MAP3K5: variants seen among roughly 807,000 people sequenced by gnomAD.
The protein encoded by MAP3K5 is mitogen-activated protein kinase kinase kinase 5, also known as ASK-1.
A neutral mutation model predicts 158.7 loss-of-function variants in MAP3K5; 56 were observed. The ratio of observed to expected loss-of-function variants is 0.35; its 90% CI spans 0.28 to 0.44. The LOEUF (loss-of-function observed/expected upper bound fraction) is 0.44. Ranked by LOEUF, MAP3K5 falls within the 20% of genes least tolerant of loss-of-function variation. The pLI, the probability that MAP3K5 is intolerant of heterozygous loss-of-function variation, is 1.00. For synonymous variants in MAP3K5, 579 were observed against 601.7 expected, an observed-to-expected ratio of 0.96 and a Z score of 0.55; for missense variants, 1,294 against 1,674.8, an observed-to-expected ratio of 0.77 and a Z score of 3.97.
chr6:136,602,271 T>A (rs946955852), intron 19 of MAP3K5, among the ~76,000 whole-genome samples: 2 of 152,170 alleles, frequency 1.3e-5, no homozygotes, highest in African/African-American at 4.8e-5. Context: ...ATTGGTACAT[T>A]GGCACACAAA....
intron 1 of MAP3K5, 48 bp from the exon 2 acceptor site, chr6:136,720,637 C>A: frequency 6.9e-7 from 1 of 1,455,212 alleles, no homozygotes; most frequent in Non-Finnish European, 9.4e-7. Flanking sequence ...CCAAATAATG[C>A]CCAATCAGCA....
In MAP3K5 at chr6:136,772,110, G is replaced by T. The variant is rs1460149665; in HGVS notation, c.448+19600C>A. On this transcript the variant is annotated intron_variant, in intron 1 of 29. Transcript: ENST00000359015. ...TTTTTAGTAGAAATGGGGGGGGGGGGTTTACCATGTTGGCCAGGCTGGTCT... is the reference window on the plus strand; with the variant it reads ...TTTTTAGTAGAAATGGGGGGGGGGGTTTTACCATGTTGGCCAGGCTGGTCT... 3.3e-3 allele frequency among the ~76,000 whole-genome samples: 430 copies of T among 131,912 alleles called. 6 individuals carry two copies. Among genetic ancestry groups the T allele is most frequent in the Middle Eastern group, 0.013 (3 of 236 alleles). The allele number at this position is 131,912 out of a possible 152,430, so 86.5% of individuals were successfully genotyped here. A position where few individuals can be genotyped will look rare whatever the true frequency, so the allele number is the denominator to read the frequency against.
Position 136,727,819 on chromosome 6 carries a change from G to A in MAP3K5, c.449-7230C>T, listed in dbSNP as rs556130258. ...ACTAAAAATACAAAAAAAATTAGCCGGGCGTGGTGGCAGGTGCCTGTAGTC... is the reference window on the plus strand; with the variant it reads ...ACTAAAAATACAAAAAAAATTAGCCAGGCGTGGTGGCAGGTGCCTGTAGTC... On this transcript the variant is annotated intron_variant, in intron 1 of 29. Coordinates refer to ENST00000359015, the MANE Select transcript of MAP3K5 (RefSeq NM_005923.4). 3.1e-4 allele frequency among the ~76,000 whole-genome samples: 47 copies of A among 151,924 alleles called. No individual in the cohort carries two copies. The South Asian group carries it at 8.8e-3, about 28-fold the overall frequency.
At chr6:136,761,223 C>T (rs1043371686) in intron 1 of MAP3K5, among the ~76,000 whole-genome samples, 1 of 147,146 alleles carries the variant, frequency 6.8e-6, no homozygotes, top group Non-Finnish European at 1.5e-5. Flanking sequence ...AGGACAAATA[C>T]TTGTAGAGCA....
At chr6:136,634,378 A>G (rs1777513405) in intron 14 of MAP3K5, among the ~76,000 whole-genome samples, 1 of 152,070 alleles carries the variant, frequency 6.6e-6, no homozygotes, top group Non-Finnish European at 1.5e-5. Flanking sequence ...TGCTAAAAGA[A>G]CACCCACAAA....
intron 12 of MAP3K5, among the ~76,000 whole-genome samples, chr6:136,642,015 TAAATAAAATAAAATAA>T (rs1449016625): frequency 1.3e-4 from 14 of 110,556 alleles, no homozygotes; most frequent in Middle Eastern, 4.4e-3. Flanking sequence ...TAAAATAAAA[TAAATAAAATAAAATAA>T]AAATAAAATA....
chr6:136,707,222 C>T (rs945313035), intron 2 of MAP3K5, among the ~76,000 whole-genome samples: 4 of 152,186 alleles, frequency 2.6e-5, no homozygotes, highest in Non-Finnish European at 5.9e-5. Context: ...GGGACATGTA[C>T]ACATTTAATA....
chr6:136,625,742 G>A (rs1227326610), intron 14 of MAP3K5, among the ~76,000 whole-genome samples: 1 of 152,066 alleles, frequency 6.6e-6, no homozygotes, highest in Non-Finnish European at 1.5e-5. Flanking sequence ...CACCACTAAA[G>A]TTGAACTCAC....
intron 13 of MAP3K5, among the ~76,000 whole-genome samples, chr6:136,638,955 A>G (rs1353033684): frequency 1.3e-5 from 2 of 152,252 alleles, no homozygotes; most frequent in Non-Finnish European, 2.9e-5. Flanking sequence ...GAAGAATTTA[A>G]TTATTAGCCC....
At chr6:136,769,817 G>A (rs969466660) in intron 1 of MAP3K5, among the ~76,000 whole-genome samples, 5 of 38,638 alleles carry the variant, frequency 1.3e-4, no homozygotes, top group Admixed American at 5.5e-4. Context: ...GGGAGGGGAC[G>A]GGAGGGAGGG....
chr6:136,652,309 C>A (rs775152047), intron 10 of MAP3K5, among the ~76,000 whole-genome samples: 1 of 152,030 alleles, frequency 6.6e-6, no homozygotes, highest in Non-Finnish European at 1.5e-5. Flanking sequence ...ATATTAAAAA[C>A]GTTAAGGGCT....
intron 2 of MAP3K5, among the ~76,000 whole-genome samples, chr6:136,711,718 T>A (rs1015459335): frequency 1.3e-5 from 2 of 151,588 alleles, no homozygotes; most frequent in African/African-American, 4.8e-5. Context: ...ATACCTTCTA[T>A]CTCTCCAATC....
intron 23 of MAP3K5, among the ~76,000 whole-genome samples, chr6:136,590,042 A>G (rs2129079986): frequency 6.6e-6 from 1 of 152,332 alleles, no homozygotes; most frequent in East Asian, 1.9e-4. Flanking sequence ...GGATTAATGC[A>G]GTTAATGTAG....
intron 1 of MAP3K5, among the ~76,000 whole-genome samples, chr6:136,776,325 C>T (rs1461891587): frequency 1.3e-5 from 2 of 152,116 alleles, no homozygotes; most frequent in Admixed American, 1.3e-4. Flanking sequence ...CTCACTGCAG[C>T]CTCTGCCTCT....
chr6:136,571,616 A>G (rs980053871), intron 25 of MAP3K5, among the ~76,000 whole-genome samples: 2 of 152,204 alleles, frequency 1.3e-5, no homozygotes, highest in African/African-American at 4.8e-5. Context: ...ATATTCCATT[A>G]TATGTATACA....
In MAP3K5 at chr6:136,583,424, C is replaced by G. The variant is rs1774975708; in HGVS notation, c.3411+131G>C. On this transcript the variant is annotated intron_variant, in intron 24 of 29. Transcript: ENST00000359015. Reference sequence around the variant, plus strand: ...TAGAAGCACACTGAGAGGCGAATATCTCACATTTTTCATCCAAAAAGAATA... The same window carrying G: ...TAGAAGCACACTGAGAGGCGAATATGTCACATTTTTCATCCAAAAAGAATA... 9.7e-6 allele frequency: 8 copies of G among 824,570 alleles called. No homozygotes were observed. In the Admixed American group the frequency reaches 2.6e-4, roughly 27 times the overall value. 51.1% of individuals were successfully genotyped at this position (824,570 alleles called of 1,614,324 possible). A position where few individuals can be genotyped will look rare whatever the true frequency, so the allele number is the denominator to read the frequency against.
chr6:136,740,950 AT>A (rs1413236411), intron 1 of MAP3K5, among the ~76,000 whole-genome samples: 2 of 152,184 alleles, frequency 1.3e-5, no homozygotes, highest in Middle Eastern at 3.4e-3. Flanking sequence ...AAGATGGTGA[AT>A]TTTTTTCACT....
chr6:136,567,664 A>G lies in MAP3K5; in HGVS notation c.3728T>C (p.Val1243Ala), dbSNP rs2129070004. The G allele has an allele frequency of 1.2e-6, 2 of 1,614,220 alleles. No individual in the cohort carries two copies. The highest frequency in any genetic ancestry group is 1.7e-6 in the Non-Finnish European group (2 of 1,180,030). ...TTCTATTTTCATCCTTCCAAGCTGTACATTCAGTGACCGGTGAGCACTCTG... is the reference window on the plus strand; with the variant it reads ...TTCTATTTTCATCCTTCCAAGCTGTGCATTCAGTGACCGGTGAGCACTCTG... ...DSQSAHRSLN[V>A]QLGRMKIETN... The change falls in exon 26 of 30, where the codon GTA (valine) becomes GCA (alanine). Residue 1243 changes from valine (V) to alanine (A), a missense_variant. Val to Ala is a moderately conservative substitution (Grantham distance 64). Transcript: ENST00000359015.
intron 2 of MAP3K5, among the ~76,000 whole-genome samples, chr6:136,719,474 G>GAT (rs1781663477): frequency 6.6e-6 from 1 of 152,176 alleles, no homozygotes; most frequent in African/African-American, 2.4e-5. Flanking sequence ...TCTGGAAAGG[G>GAT]ATATACCTGT....
Sources: allele counts gnomAD v4.1 joint callset (sites outside exome capture counted in the v4.1 genomes callset), GRCh38; gene constraint gnomAD v4.1.1; transcripts MANE v1.5; gene names NCBI Gene and HGNC (gene_info 2026-07-23, HGNC 2026-07-21).